SHTN1: variants seen among roughly 807,000 people sequenced by gnomAD.
The protein encoded by SHTN1 is shootin-1.
SHTN1 carries 42 observed loss-of-function variants against 83.1 expected under a neutral mutation model. The observed-to-expected ratio is 0.51, with a 90% confidence interval of 0.39 to 0.65. SHTN1 has a LOEUF of 0.65. Ranked by LOEUF, SHTN1 falls within the 30% of genes least tolerant of loss-of-function variation. The pLI is 0.00. For synonymous variants in SHTN1, 224 were observed against 247.7 expected (o/e 0.90, Z 0.90); for missense variants, 622 against 737.8 (o/e 0.84, Z 1.82).
intron 9 of SHTN1, among the ~76,000 whole-genome samples, chr10:116,936,757 T>TG (rs1849180155): frequency 6.6e-6 from 1 of 152,170 alleles, no homozygotes; most frequent in Non-Finnish European, 1.5e-5. Context: ...ATATTGACAG[T>TG]GGGGTGTTAA....
chr10:116,917,348 G>A (rs943108871), intron 12 of SHTN1, among the ~76,000 whole-genome samples: 1 of 151,994 alleles, frequency 6.6e-6, no homozygotes, highest in Non-Finnish European at 1.5e-5. Context: ...CTGTCGCCCA[G>A]AGCTGGAGTG....
chr10:117,032,564 G>A (rs1852433757), intron 2 of SHTN1, among the ~76,000 whole-genome samples: 1 of 152,056 alleles, frequency 6.6e-6, no homozygotes, highest in African/African-American at 2.4e-5. Flanking sequence ...TATTATTAGA[G>A]CTAAAGTGAG....
intron 1 of SHTN1, among the ~76,000 whole-genome samples, chr10:117,112,139 T>C (rs1288659592): frequency 3.9e-5 from 6 of 152,104 alleles, no homozygotes; most frequent in Non-Finnish European, 8.8e-5. Context: ...CTAATTTTAG[T>C]ATTTTTGGTA....
upstream of SHTN1, among the ~76,000 whole-genome samples, chr10:117,007,876 C>T (rs1268482446): frequency 2.6e-5 from 4 of 151,662 alleles, no homozygotes; most frequent in Admixed American, 1.3e-4. Flanking sequence ...GGTGTGGTGG[C>T]GGGCACCTGT....
chr10:117,112,191 C>T (rs1245555676), intron 1 of SHTN1, among the ~76,000 whole-genome samples: 1 of 152,090 alleles, frequency 6.6e-6, no homozygotes, highest in Non-Finnish European at 1.5e-5. Flanking sequence ...GTGTCGAATT[C>T]CTGGGCTCAA....
chr10:117,003,173 T>A (rs1196807625), intron 1 of SHTN1, among the ~76,000 whole-genome samples: 1 of 152,060 alleles, frequency 6.6e-6, no homozygotes, highest in Non-Finnish European at 1.5e-5. Flanking sequence ...AGATATTACC[T>A]ATAATGAAAG....
At chr10:117,119,354 T>A (rs997676290) in intron 1 of SHTN1, among the ~76,000 whole-genome samples, 4 of 151,698 alleles carry the variant, frequency 2.6e-5, no homozygotes, top group African/African-American at 9.7e-5. Context: ...CAGAAAAAAA[T>A]GGAATAATCT....
At chr10:117,055,607 C>T (rs1294846739) in intron 1 of SHTN1, among the ~76,000 whole-genome samples, 1 of 152,184 alleles carries the variant, frequency 6.6e-6, no homozygotes, top group Non-Finnish European at 1.5e-5. Flanking sequence ...GTGGCTTGCA[C>T]CTGTAATTCC....
chr10:116,953,967 A>T, intron 5 of SHTN1, 75 bp downstream of exon 5: 1 of 1,210,790 alleles, frequency 8.3e-7, no homozygotes, highest in Non-Finnish European at 1.2e-6. Flanking sequence ...CATGATTCTG[A>T]TGTGCAGTCA....
rs145097700 is a variant in SHTN1 at position 117,092,023 on chromosome 10, A to C, written c.-189+34284T>G. 3.9e-3 allele frequency among the ~76,000 whole-genome samples: 592 copies of C among 152,314 alleles called. 4 individuals carry two copies. Among genetic ancestry groups the C allele is most frequent in the African/African-American group, 0.013 (559 of 41,568 alleles). ...ACAACCCTGGGAGATTGGTATTCTC[A>C]ACCCCTTATAAATGAGGAAAACGTC... On this transcript the variant is annotated intron_variant, in intron 1 of 17. Coordinates refer to the SHTN1 transcript ENST00000392901.
intron 1 of SHTN1, among the ~76,000 whole-genome samples, chr10:116,998,220 A>C (rs1275133224): frequency 6.6e-6 from 1 of 152,228 alleles, no homozygotes; most frequent in Non-Finnish European, 1.5e-5. Context: ...ACTCATGAAT[A>C]TTACTTCAAA....
chr10:116,997,120 C>T lies in SHTN1; in HGVS notation c.58+7902G>A, dbSNP rs60248021. Among the ~76,000 whole-genome samples, 1,434 of 152,308 alleles carry T rather than the reference C, an allele frequency of 9.4e-3. 17 individuals are homozygous for T. The highest frequency in any genetic ancestry group is 0.032 in the African/African-American group (1,349 of 41,556). Reference sequence around the variant, plus strand: ...CCATTTCCCACCTAAAAACAAGATACCCATTCTCCTTTACAACCCATATCA... The same window carrying T: ...CCATTTCCCACCTAAAAACAAGATATCCATTCTCCTTTACAACCCATATCA... On this transcript the variant is annotated intron_variant, in intron 1 of 16. Coordinates refer to ENST00000355371, the MANE Select transcript of SHTN1 (RefSeq NM_001127211.3).
chr10:117,035,944 T>C (rs902544609), intron 2 of SHTN1, among the ~76,000 whole-genome samples: 2 of 36,556 alleles, frequency 5.5e-5, no homozygotes, highest in African/African-American at 6.8e-5. Flanking sequence ...CGAAACTCCA[T>C]CTCAAAAAAA....
chr10:116,906,598 A>C, intron 15 of SHTN1, 29 bp downstream of exon 15: 2 of 1,582,124 alleles, frequency 1.3e-6, no homozygotes, highest in African/African-American at 1.4e-5. Flanking sequence ...GATGAAGAGA[A>C]GGACTGTGGA....
rs1404296475 is a variant in SHTN1 at position 116,884,290 on chromosome 10, C to G, written c.*2054G>C. ...ACCCCAGCCAGGGGCAAAACCCCCT[C>G]AAAACCAAAGTGAAAAGGGAAAAAC... On this transcript the variant is annotated 3_prime_UTR_variant, in exon 17 of 17. Transcript: ENST00000355371. The G allele has an allele frequency of 2.2e-6, 1 of 457,574 alleles. No individual in the cohort carries two copies. Among genetic ancestry groups the G allele is most frequent in the Non-Finnish European group, 4.4e-6 (1 of 227,110 alleles). The allele number at this position is 457,574 out of a possible 1,614,324, so 28.3% of individuals were successfully genotyped here.
chr10:117,057,208 G>A (rs1266438637), intron 1 of SHTN1, among the ~76,000 whole-genome samples: 1 of 152,138 alleles, frequency 6.6e-6, no homozygotes, highest in Non-Finnish European at 1.5e-5. Context: ...GTCTATTGAA[G>A]GCTTGCAGCT....
chr10:117,041,228 A>G (rs1017147244), intron 2 of SHTN1, among the ~76,000 whole-genome samples: 1 of 152,128 alleles, frequency 6.6e-6, no homozygotes, highest in Non-Finnish European at 1.5e-5. Flanking sequence ...CTCAGTACTC[A>G]GTCTAGCATT....
At chr10:116,905,780 A>G (rs1564869219) in intron 15 of SHTN1, among the ~76,000 whole-genome samples, 1 of 152,166 alleles carries the variant, frequency 6.6e-6, no homozygotes, top group Non-Finnish European at 1.5e-5. Flanking sequence ...ATTTTACTTT[A>G]AGGTAGTTTT....
intron 1 of SHTN1, among the ~76,000 whole-genome samples, chr10:116,980,448 C>T (rs1006235720): frequency 7.9e-5 from 12 of 151,920 alleles, no homozygotes; most frequent in African/African-American, 2.7e-4. Context: ...CACATACTAC[C>T]ATGCCCAGCT....
Sources: gnomAD v4.1 joint callset for allele counts (sites outside exome capture counted in the v4.1 genomes callset) on GRCh38, gnomAD v4.1.1 for gene constraint, MANE v1.5 for transcripts, NCBI Gene and HGNC (gene_info 2026-07-23, HGNC 2026-07-21) for gene names.